Variants in NSUN6 observed in about 807,000 individuals in gnomAD.
NSUN6 encodes the protein tRNA (cytosine(72)-C(5))-methyltransferase NSUN6.
NSUN6 carries 64 observed loss-of-function variants against 58.0 expected under a neutral mutation model. The observed-to-expected ratio is 1.10, with a 90% CI of 0.90 to 1.36. NSUN6 has a LOEUF of 1.36. NSUN6 is among the 40% of genes most tolerant of loss of function. The pLI is 0.00. For missense variants in NSUN6, 701 were observed against 550.1 expected (o/e 1.27, Z -2.74); for synonymous variants, 231 against 193.9 (o/e 1.19, Z -1.59).
intron 3 of NSUN6, among the ~76,000 whole-genome samples, chr10:18,634,289 C>T (rs1206227099): frequency 6.6e-6 from 1 of 152,130 alleles, no homozygotes; most frequent in African/African-American, 2.4e-5. Flanking sequence ...GACAATAAAA[C>T]CTCTGAATAA....
intron 3 of NSUN6, among the ~76,000 whole-genome samples, chr10:18,638,292 A>T (rs2059281967): frequency 6.6e-6 from 1 of 152,070 alleles, no homozygotes; most frequent in South Asian, 2.1e-4. Context: ...AATACAAAAA[A>T]TTAGCTGGGC....
At chr10:18,604,755 G>A (rs903198214) in intron 6 of NSUN6, among the ~76,000 whole-genome samples, 4 of 151,766 alleles carry the variant, frequency 2.6e-5, no homozygotes, top group African/African-American at 9.7e-5. Context: ...GTGTAGTGAC[G>A]CATGCCTGTA....
intron 6 of NSUN6, 31 bp downstream of exon 6, chr10:18,609,814 C>T (rs2058168946): frequency 1.7e-5 from 19 of 1,128,314 alleles, no homozygotes; most frequent in Non-Finnish European, 2.5e-5. Flanking sequence ...GTTTCAATGT[C>T]ACTAAATATT....
At chr10:18,583,207 C>A (rs2056982443) in intron 8 of NSUN6, among the ~76,000 whole-genome samples, 3 of 152,148 alleles carry the variant, frequency 2.0e-5, no homozygotes, top group African/African-American at 4.8e-5. Context: ...ATCTCTCCAC[C>A]ACGCATCTTG....
chr10:18,559,325 G>A (rs1412966617), intron 8 of NSUN6, among the ~76,000 whole-genome samples: 1 of 151,052 alleles, frequency 6.6e-6, no homozygotes, highest in Non-Finnish European at 1.5e-5. Context: ...ATGGAGAATG[G>A]GATGGAATGG....
At chr10:18,659,284 G>C (rs2059813078), upstream of NSUN6, 2 of 272,170 alleles carry the variant, frequency 7.3e-6, no homozygotes, top group Non-Finnish European at 6.9e-6. Context: ...TGCCGTAAGT[G>C]CGCCGTCGTC....
intron 8 of NSUN6, among the ~76,000 whole-genome samples, chr10:18,565,033 ATTCTCCAT>A (rs1232336328): frequency 6.9e-6 from 1 of 143,958 alleles, no homozygotes; most frequent in Non-Finnish European, 1.5e-5. Context: ...TCCCCACTCC[ATTCTCCAT>A]TTCATTGCTT....
chr10:18,609,376 C>G (rs995685169), intron 6 of NSUN6, among the ~76,000 whole-genome samples: 4 of 151,950 alleles, frequency 2.6e-5, no homozygotes, highest in Admixed American at 1.3e-4. Context: ...AACATTTGGA[C>G]TTAGGTTTGA....
intron 7 of NSUN6, among the ~76,000 whole-genome samples, chr10:18,588,090 A>G (rs1341272143): frequency 2.0e-5 from 3 of 152,192 alleles, no homozygotes; most frequent in Non-Finnish European, 2.9e-5. Flanking sequence ...CTTGGTGGGC[A>G]TCCGCCATTA....
chr10:18,613,632 C>A (rs1482730192), intron 5 of NSUN6, among the ~76,000 whole-genome samples: 1 of 152,062 alleles, frequency 6.6e-6, no homozygotes, highest in Non-Finnish European at 1.5e-5. Flanking sequence ...TTCATGAAGC[C>A]TTCTAAAAAG....
At chr10:18,573,696 C>G (rs1018909293) in intron 8 of NSUN6, among the ~76,000 whole-genome samples, 4 of 152,110 alleles carry the variant, frequency 2.6e-5, no homozygotes, top group Non-Finnish European at 5.9e-5. Context: ...TAACCATCTG[C>G]AGTTTGAGGG....
intron 8 of NSUN6, among the ~76,000 whole-genome samples, chr10:18,560,939 G>A (rs1025725514): frequency 6.6e-6 from 1 of 151,020 alleles, no homozygotes; most frequent in Non-Finnish European, 1.5e-5. Context: ...GAATGGAATG[G>A]AGCATGGAAT....
At chr10:18,562,017 T>C (rs1353289617) in intron 8 of NSUN6, among the ~76,000 whole-genome samples, 1 of 143,966 alleles carries the variant, frequency 6.9e-6, no homozygotes, top group East Asian at 2.1e-4. Context: ...AAGGAATGGA[T>C]AATGGAATGG....
chr10:18,582,608 T>C (rs1198360311), intron 8 of NSUN6, among the ~76,000 whole-genome samples: 1 of 152,190 alleles, frequency 6.6e-6, no homozygotes, highest in Non-Finnish European at 1.5e-5. Context: ...TTGGATCAGA[T>C]GGTGGGGCAA....
chr10:18,645,886 T>C (rs2059531436), intron 2 of NSUN6, among the ~76,000 whole-genome samples: 1 of 152,136 alleles, frequency 6.6e-6, no homozygotes, highest in Non-Finnish European at 1.5e-5. Context: ...TAATTAAATT[T>C]TATATTATTA....
At chr10:18,584,544 T>A (rs138450716) in intron 8 of NSUN6, among the ~76,000 whole-genome samples, 1 of 152,202 alleles carries the variant, frequency 6.6e-6, no homozygotes, top group Non-Finnish European at 1.5e-5. Context: ...CTTGTGACAT[T>A]ATTAAGACAA....
At chr10:18,630,126 A>C (rs1364449972) in intron 3 of NSUN6, among the ~76,000 whole-genome samples, 1 of 132,964 alleles carries the variant, frequency 7.5e-6, no homozygotes, top group Non-Finnish European at 1.6e-5. Context: ...AGCTACATGG[A>C]AACTGAACAA....
In NSUN6 at chr10:18,648,562, T is replaced by G. The variant is rs759190841; in HGVS notation, c.159A>C (p.Thr53=). The G allele has an allele frequency of 1.0e-5, 16 of 1,606,408 alleles. No individual in the cohort carries two copies. In the South Asian group the frequency reaches 1.7e-4, roughly 17 times the overall value. Residue 53 remains threonine (T), a synonymous_variant, in exon 2 of 11, where the codon ACA becomes ACC. Coordinates refer to ENST00000377304, the MANE Select transcript of NSUN6 (RefSeq NM_182543.5). ...CTAAATGTGTATTCACTCTGACAGT[T>G]GTAAATGATGGAGGATGTGACAGGT... ...LKHLSHPPSF[T]TVRVNTHLAS... is the part of the protein sequence containing the mutation.
chr10:18,566,650 CATTCT>C (rs1352414936), intron 8 of NSUN6, among the ~76,000 whole-genome samples: 9 of 150,802 alleles, frequency 6.0e-5, no homozygotes, highest in Non-Finnish European at 1.2e-4. Context: ...TTTCCCATTC[CATTCT>C]ATTCTCCATT....
Sources: gnomAD v4.1 joint callset for allele counts (sites outside exome capture counted in the v4.1 genomes callset) on GRCh38, gnomAD v4.1.1 for gene constraint, MANE v1.5 for transcripts, NCBI Gene and HGNC (gene_info 2026-07-23, HGNC 2026-07-21) for gene names.